GRM1: variants seen among roughly 807,000 people sequenced by gnomAD.
GRM1 encodes the protein glutamate metabotropic receptor 1.
Under a neutral mutation model 90.9 loss-of-function variants are expected in GRM1, and 33 were observed. The ratio of observed to expected loss-of-function variants is 0.36; its 90% CI spans 0.28 to 0.49. The LOEUF (loss-of-function observed/expected upper bound fraction) is 0.49. GRM1 is among the 20% of genes least tolerant of loss of function. The pLI is 0.99. For synonymous variants in GRM1, 700 were observed against 613.2 expected (o/e 1.14, Z -2.09); for missense variants, 1,190 against 1,534.3 (o/e 0.78, Z 3.75).
At chr6:146,408,769 T>C (rs1777449929) in intron 7 of GRM1, among the ~76,000 whole-genome samples, 1 of 152,150 alleles carries the variant, frequency 6.6e-6, no homozygotes. Flanking sequence ...ATGACACGGT[T>C]TGGCAACCTG....
intron 1 of GRM1, among the ~76,000 whole-genome samples, chr6:146,052,007 T>C (rs57908253): frequency 0.065 from 9,882 of 152,064 alleles, 1,050 homozygotes; most frequent in African/African-American, 0.22. Flanking sequence ...TTCTCGAGAG[T>C]AGGATATATC....
intron 5 of GRM1, among the ~76,000 whole-genome samples, chr6:146,366,039 C>T (rs1775673752): frequency 6.6e-6 from 1 of 152,128 alleles, no homozygotes; most frequent in Non-Finnish European, 1.5e-5. Flanking sequence ...TGTAGAATGA[C>T]AGCTCCTCAA....
chr6:146,080,624 A>G (rs1776333636), intron 1 of GRM1, among the ~76,000 whole-genome samples: 1 of 148,734 alleles, frequency 6.7e-6, no homozygotes, highest in Non-Finnish European at 1.5e-5. Flanking sequence ...CAGGTAATTC[A>G]GGGGAATCTG....
intron 2 of GRM1, among the ~76,000 whole-genome samples, chr6:146,208,560 C>T (rs1583166441): frequency 6.6e-6 from 1 of 152,174 alleles, no homozygotes; most frequent in East Asian, 1.9e-4. Context: ...TATTTCTGGA[C>T]TCTGCCAATC....
intron 1 of GRM1, among the ~76,000 whole-genome samples, chr6:146,101,733 TATATCACTGGTAA>T: frequency 6.6e-6 from 1 of 151,752 alleles, no homozygotes; most frequent in Admixed American, 6.6e-5. Flanking sequence ...ATAACTGGTA[TATATCACTGGTAA>T]ATATCACTGG....
At chr6:146,291,989 T>C (rs1405652957) in intron 2 of GRM1, among the ~76,000 whole-genome samples, 2 of 151,950 alleles carry the variant, frequency 1.3e-5, no homozygotes, top group South Asian at 2.1e-4. Context: ...TCAGGTGCAA[T>C]AGAATTGAGA....
intron 2 of GRM1, among the ~76,000 whole-genome samples, chr6:146,182,487 C>A (rs943124996): frequency 7.2e-5 from 11 of 152,100 alleles, no homozygotes; most frequent in African/African-American, 2.7e-4. Context: ...AAAACTCATT[C>A]ATTTGCATGT....
At chr6:146,396,105 G>A (rs55969332) in intron 6 of GRM1, among the ~76,000 whole-genome samples, 4,902 of 29,212 alleles carry the variant, frequency 0.17, 275 homozygotes, top group African/African-American at 0.29. Flanking sequence ...TCTATCTATC[G>A]TCTATATATA....
intron 2 of GRM1, among the ~76,000 whole-genome samples, chr6:146,231,254 G>A (rs1296563479): frequency 6.6e-6 from 1 of 152,072 alleles, no homozygotes; most frequent in East Asian, 1.9e-4. Flanking sequence ...AAGCACACGT[G>A]GAGGCAAGGC....
intron 7 of GRM1, among the ~76,000 whole-genome samples, chr6:146,414,624 G>A (rs1777706084): frequency 6.6e-6 from 1 of 152,102 alleles, no homozygotes; most frequent in Non-Finnish European, 1.5e-5. Flanking sequence ...GAATGGTCTT[G>A]ATCTCCTGAC....
chr6:146,200,048 A>G (rs1441848451), intron 2 of GRM1, among the ~76,000 whole-genome samples: 2 of 152,176 alleles, frequency 1.3e-5, no homozygotes, highest in African/African-American at 2.4e-5. Flanking sequence ...TCACGTCCTC[A>G]GAGGCATCCA....
chr6:146,192,438 C>G (rs1005131915), intron 2 of GRM1, among the ~76,000 whole-genome samples: 3 of 152,150 alleles, frequency 2.0e-5, no homozygotes, highest in East Asian at 1.9e-4. Context: ...TACAAAACCT[C>G]AGGTTCCTCA....
chr6:146,420,505 C>G (rs796871765), intron 7 of GRM1, among the ~76,000 whole-genome samples: 1 of 152,196 alleles, frequency 6.6e-6, no homozygotes, highest in Non-Finnish European at 1.5e-5. Flanking sequence ...AGCAGTGCCC[C>G]TCTACTTAGG....
At position 146,437,247 on chromosome 6, in the gene GRM1, A is replaced by AG. The variant is rs1452126033; in HGVS notation, c.*2453dup. The AG allele has an allele frequency of 6.6e-6, 1 of 152,228 alleles. No homozygotes were observed. Among genetic ancestry groups the AG allele is most frequent in the East Asian group, 1.9e-4 (1 of 5,198 alleles). 9.4% of individuals were successfully genotyped at this position (152,228 alleles called of 1,614,324 possible). A position where few individuals can be genotyped will look rare whatever the true frequency, so the allele number is the denominator to read the frequency against. On this transcript the variant is annotated 3_prime_UTR_variant, in exon 8 of 8. Transcript: ENST00000282753. Reference sequence around the variant, plus strand: ...TGTGCATTCAGATTTTTAAAAAATTAGGATAGATAAGGAAACAACTTATAT... The same window carrying AG: ...TGTGCATTCAGATTTTTAAAAAATTAGGGATAGATAAGGAAACAACTTATAT...
intron 2 of GRM1, among the ~76,000 whole-genome samples, chr6:146,259,080 A>C (rs1781587968): frequency 6.6e-6 from 1 of 152,112 alleles, no homozygotes; most frequent in Non-Finnish European, 1.5e-5. Context: ...CTGCCCAGTA[A>C]ATTTGGACTG....
At chr6:146,426,556 C>T in intron 7 of GRM1, 1 of 1,611,438 alleles carries the variant, frequency 6.2e-7, no homozygotes, top group Non-Finnish European at 8.5e-7. Context: ...TTTCAATCTT[C>T]AGGAAGAGGC....
intron 2 of GRM1, among the ~76,000 whole-genome samples, chr6:146,236,209 T>C (rs1420898416): frequency 1.1e-4 from 16 of 152,154 alleles, no homozygotes; most frequent in Admixed American, 1.0e-3. Context: ...AAAATAAAAA[T>C]GCAACATATC....
At chr6:146,209,207 A>T (rs1398148247) in intron 2 of GRM1, among the ~76,000 whole-genome samples, 1 of 152,130 alleles carries the variant, frequency 6.6e-6, no homozygotes, top group Non-Finnish European at 1.5e-5. Context: ...TCCTGTGACC[A>T]TGTTGCAGGT....
chr6:146,183,269 C>T (rs1778613728), intron 2 of GRM1, among the ~76,000 whole-genome samples: 1 of 152,150 alleles, frequency 6.6e-6, no homozygotes, highest in Non-Finnish European at 1.5e-5. Context: ...TTGACAAGAA[C>T]TTTGTTATAA....
Sources: allele counts gnomAD v4.1 joint callset (sites outside exome capture counted in the v4.1 genomes callset), GRCh38; gene constraint gnomAD v4.1.1; transcripts MANE v1.5; gene names NCBI Gene and HGNC (gene_info 2026-07-23, HGNC 2026-07-21).